Variants in SNRPN observed in about 807,000 individuals in gnomAD.
SNRPN encodes the protein small nuclear ribonucleoprotein polypeptide N, also known as small nuclear ribonucleoprotein-associated protein N.
A neutral mutation model predicts 25.2 loss-of-function variants in SNRPN; 7 were observed. That is an observed-to-expected ratio of 0.28 (90% confidence interval 0.16 to 0.52). SNRPN has a LOEUF of 0.52. Among genes scored for constraint, SNRPN ranks in the 20% least tolerant of loss-of-function variants. The pLI is 0.96. For synonymous variants in SNRPN, 124 were observed against 110.6 expected, an observed-to-expected ratio of 1.12 and a Z score of -0.76; for missense variants, 196 against 322.5, an observed-to-expected ratio of 0.61 and a Z score of 3.00.
At chr15:24,945,787 C>G (rs376302143) in intron 3 of SNRPN, among the ~76,000 whole-genome samples, 1 of 152,158 alleles carries the variant, frequency 6.6e-6, no homozygotes, top group Admixed American at 6.5e-5. Context: ...TGCTATTAGT[C>G]TAGTCTTTTT....
intron 3 of SNRPN, among the ~76,000 whole-genome samples, chr15:24,932,497 G>A (rs1377149545): frequency 1.3e-5 from 2 of 152,084 alleles, no homozygotes; most frequent in Non-Finnish European, 2.9e-5. Context: ...GCCTCCTGAA[G>A]TGCTGGGATT....
chr15:24,978,626 A>T lies in SNRPN; in HGVS notation c.*182A>T. ...TTTTTTGCCTGTTGATTTTGATGAG[A>T]TCTTAAGTTACTGTGGATGAGGGTG... On this transcript the variant is annotated 3_prime_UTR_variant, in exon 10 of 10. Transcript: ENST00000390687. The T allele has an allele frequency of 1.6e-6, 1 of 636,966 alleles. No individual in the cohort carries two copies. The highest frequency in any genetic ancestry group is 2.8e-6 in the Non-Finnish European group (1 of 362,134). 39.5% of individuals were successfully genotyped at this position (636,966 alleles called of 1,614,324 possible).
intron 3 of SNRPN, among the ~76,000 whole-genome samples, chr15:24,928,621 T>G (rs2060579798): frequency 6.6e-6 from 1 of 152,008 alleles, no homozygotes; most frequent in Non-Finnish European, 1.5e-5. Context: ...GTTTTCTCTA[T>G]CTAGCTGTAA....
At chr15:24,844,760 G>C (rs1055166330) in intron 2 of SNRPN, among the ~76,000 whole-genome samples, 2 of 152,108 alleles carry the variant, frequency 1.3e-5, no homozygotes, top group South Asian at 2.1e-4. Flanking sequence ...CTGACCTCAG[G>C]TGATCCACCT....
chr15:24,935,037 C>T (rs529150205), intron 3 of SNRPN, among the ~76,000 whole-genome samples: 145 of 152,198 alleles, frequency 9.5e-4, no homozygotes, highest in Non-Finnish European at 1.9e-3. Flanking sequence ...TTTGGGAGGC[C>T]GTTGCAGGCC....
chr15:24,930,668 G>A (rs965795485), intron 3 of SNRPN, among the ~76,000 whole-genome samples: 1 of 151,602 alleles, frequency 6.6e-6, no homozygotes, highest in Non-Finnish European at 1.5e-5. Flanking sequence ...TTGGGAGGCC[G>A]GGCCGGGTGG....
In SNRPN at chr15:24,978,204, C is replaced by T. The variant is rs1000016488; in HGVS notation, c.571C>T (p.Pro191Ser). 11 of 1,613,812 alleles carry T rather than the reference C, an allele frequency of 6.8e-6. No individual in the cohort carries two copies. Among genetic ancestry groups the T allele is most frequent in the Non-Finnish European group, 9.3e-6 (11 of 1,179,812 alleles). ...ATTTTTCACTGTAGGCATTATGGCT[C>T]CTCCACCTGGTATGAGACCACCCAT... is the stretch of plus-strand genomic sequence containing the variant. ...RATPPPGIMAPPPGMRPPMGP... is the reference protein window; with the variant it reads ...RATPPPGIMASPPGMRPPMGP... The change falls in exon 9 of 10, where the codon CCT becomes TCT. Residue 191 changes from proline to serine, a missense_variant. Transcript: ENST00000390687.
chr15:24,866,831 C>G (rs2054613829), intron 1 of SNRPN, among the ~76,000 whole-genome samples: 1 of 152,154 alleles, frequency 6.6e-6, no homozygotes, highest in Non-Finnish European at 1.5e-5. Flanking sequence ...ATAATGTACT[C>G]CAGGTTCAAC....
At chr15:24,873,669 G>A (rs555380846) in intron 1 of SNRPN, among the ~76,000 whole-genome samples, 27 of 151,946 alleles carry the variant, frequency 1.8e-4, no homozygotes, top group South Asian at 4.1e-4. Context: ...GGATGGTCTC[G>A]ATCTCCTGAC....
chr15:24,881,719 A>C (rs965673622), intron 1 of SNRPN, among the ~76,000 whole-genome samples: 3 of 152,220 alleles, frequency 2.0e-5, no homozygotes, highest in African/African-American at 7.2e-5. Context: ...AACCGTGGAA[A>C]TATTAACAAT....
chr15:24,867,670 G>C (rs12595469), intron 1 of SNRPN, among the ~76,000 whole-genome samples: 2 of 149,658 alleles, frequency 1.3e-5, no homozygotes, highest in East Asian at 3.9e-4. Context: ...CACTGCGCCC[G>C]GCCTTAAATA....
At chr15:24,904,195 C>CTATGTAAATT (rs1029728863) in intron 2 of SNRPN, among the ~76,000 whole-genome samples, 1 of 152,124 alleles carries the variant, frequency 6.6e-6, no homozygotes, top group Admixed American at 6.5e-5. Flanking sequence ...ACAATTCAGG[C>CTATGTAAATT]TAATGCACAG....
chr15:24,976,283 A>G (rs192112782), intron 5 of SNRPN, 22 bp from the exon 6 acceptor site: 588 of 1,593,000 alleles, frequency 3.7e-4, no homozygotes, highest in Admixed American at 2.5e-3. Context: ...TTATCTCACT[A>G]AAATTTAATT....
intron 2 of SNRPN, chr15:24,910,939 G>A: frequency 1.3e-6 from 1 of 779,878 alleles, no homozygotes; most frequent in Non-Finnish European, 2.2e-6. Context: ...GGCTGGCAGA[G>A]GAAAGTGCAG....
Position 24,872,762 on chromosome 15 carries a change from A to AAG in SNRPN, c.-578-13753_-578-13752insGA, listed in dbSNP as rs1420078943. Among the ~76,000 whole-genome samples the AAG allele has an allele frequency of 1.7e-4, 19 of 109,820 alleles. 3 individuals carry two copies. Among genetic ancestry groups the AAG allele is most frequent in the African/African-American group, 5.0e-4 (16 of 31,760 alleles). 72.0% of individuals were successfully genotyped at this position (109,820 alleles called of 152,430 possible). ...ACTCCGTCTCGAAAAAAAAAAAAAAAAAAAAAGCTGGGTGCGGTGGCTTAC... is the reference window on the plus strand; with the variant it reads ...ACTCCGTCTCGAAAAAAAAAAAAAAAAGAAAAAAGCTGGGTGCGGTGGCTTAC... On this transcript the variant is annotated intron_variant, in intron 1 of 11. Transcript: ENST00000400097.
At chr15:24,965,411 C>T (rs1352098637) in intron 2 of SNRPN, among the ~76,000 whole-genome samples, 1 of 152,076 alleles carries the variant, frequency 6.6e-6, no homozygotes, top group Admixed American at 6.6e-5. Context: ...GTAGTGTGCA[C>T]CTGTAATCCC....
intron 3 of SNRPN, among the ~76,000 whole-genome samples, chr15:24,930,020 C>T (rs1027160005): frequency 1.2e-4 from 18 of 151,654 alleles, no homozygotes; most frequent in African/African-American, 4.4e-4. Flanking sequence ...ACCCTGTCTC[C>T]ACCAAAAATA....
At chr15:24,942,329 C>G (rs1053323405) in intron 3 of SNRPN, 2 of 152,184 alleles carry the variant, frequency 1.3e-5, no homozygotes, top group African/African-American at 4.8e-5. Flanking sequence ...CTGACTCAGA[C>G]AGTATACAGC....
chr15:24,853,820 T>A (rs1257035432), upstream of SNRPN, among the ~76,000 whole-genome samples: 1 of 152,190 alleles, frequency 6.6e-6, no homozygotes, highest in Non-Finnish European at 1.5e-5. Flanking sequence ...TTACTTCTTA[T>A]CAGATTCTTC....
Sources: gnomAD v4.1 joint callset for allele counts (sites outside exome capture counted in the v4.1 genomes callset) on GRCh38, gnomAD v4.1.1 for gene constraint, MANE v1.5 for transcripts, NCBI Gene and HGNC (gene_info 2026-07-23, HGNC 2026-07-21) for gene names.